DENND4A: variants seen among roughly 807,000 people sequenced by gnomAD.
DENND4A encodes the protein DENN domain containing 4A.
Under a neutral mutation model 199.3 loss-of-function variants are expected in DENND4A, and 70 were observed. The ratio of observed to expected loss-of-function variants is 0.35; its 90% confidence interval spans 0.29 to 0.43. DENND4A has a LOEUF of 0.43. Among genes scored for constraint, DENND4A ranks in the 20% least tolerant of loss-of-function variants. The probability of loss-of-function intolerance (pLI) is 1.00; values close to 1 mark genes in which losing one functional copy is unlikely to be tolerated. For missense variants in DENND4A, 1,723 were observed against 2,255.8 expected (o/e 0.76, Z 4.78); for synonymous variants, 686 against 766.9 (o/e 0.89, Z 1.74).
At chr15:65,736,518 A>G (rs1450691672) in intron 7 of DENND4A, among the ~76,000 whole-genome samples, 2 of 151,418 alleles carry the variant, frequency 1.3e-5, no homozygotes, top group Non-Finnish European at 2.9e-5. Context: ...CACCTGCCTC[A>G]GCCTCCCAAA....
At position 65,755,620 on chromosome 15, in the gene DENND4A, G is replaced by A. The variant is rs145950611; in HGVS notation, c.311+520C>T. ...GTCTCTACAAAAAAATTAAAAACTA[G>A]CCAGATGTGACAGCGTGTATCTATA... is the stretch of plus-strand genomic sequence containing the variant. On this transcript the variant is annotated intron_variant, in intron 3 of 32. Transcript: ENST00000443035. Among the ~76,000 whole-genome samples, 1,364 of 152,064 alleles carry A rather than the reference G, an allele frequency of 9.0e-3. 9 individuals carry two copies. The highest frequency in any genetic ancestry group is 0.017 in the Admixed American group (254 of 15,254).
At position 65,711,069 on chromosome 15, in the gene DENND4A, G is replaced by A. The variant is rs150187258; in HGVS notation, c.1953+4409C>T. On this transcript the variant is annotated intron_variant, in intron 14 of 32. Transcript: ENST00000443035. ...TCTCCAGATGCAGGTATTTCTTTAC[G>A]GCAACACAAGAAGGGCCTAACAGAA... Among the ~76,000 whole-genome samples, 293 of 152,090 alleles carry A rather than the reference G, an allele frequency of 1.9e-3. 1 individual carries two copies. The highest frequency in any genetic ancestry group is 6.9e-3 in the African/African-American group (287 of 41,496).
chr15:65,704,489 C>G lies in DENND4A; in HGVS notation c.2088-1481G>C, dbSNP rs562301142. Among the ~76,000 whole-genome samples, 119 of 152,328 alleles carry G rather than the reference C, an allele frequency of 7.8e-4. 2 individuals are homozygous for G. The highest frequency in any genetic ancestry group is 4.4e-4 in the Non-Finnish European group (30 of 68,022). ...CCAGGCTCAAGTGATCCTTCCACCT[C>G]AGCCTCCTGAGTAGCTGGGACCACA... On this transcript the variant is annotated intron_variant, in intron 15 of 32. Coordinates refer to ENST00000443035, the MANE Select transcript of DENND4A (RefSeq NM_001320835.1).
At chr15:65,770,974 G>A (rs2572218) in intron 1 of DENND4A, among the ~76,000 whole-genome samples, 30,133 of 152,044 alleles carry the variant, frequency 0.2, 4,020 homozygotes, top group East Asian at 0.73. Flanking sequence ...TTGTAGAAGC[G>A]TAACTAAAAT....
chr15:65,737,414 G>T (rs934688457), intron 7 of DENND4A, among the ~76,000 whole-genome samples: 17 of 152,016 alleles, frequency 1.1e-4, no homozygotes, highest in Non-Finnish European at 2.1e-4. Flanking sequence ...TGTAAAATAA[G>T]AATTTAAAAA....
intron 23 of DENND4A, among the ~76,000 whole-genome samples, chr15:65,687,083 C>T (rs1475585684): frequency 6.6e-6 from 1 of 152,010 alleles, no homozygotes; most frequent in African/African-American, 2.4e-5. Flanking sequence ...TTTCTCTGTT[C>T]CCCCTTTCTT....
At chr15:65,694,314 T>G (rs1596456375) in intron 22 of DENND4A, among the ~76,000 whole-genome samples, 2 of 152,250 alleles carry the variant, frequency 1.3e-5, no homozygotes, top group East Asian at 3.9e-4. Context: ...CCAGGCGTGG[T>G]GGCGTGTGCC....
intron 4 of DENND4A, among the ~76,000 whole-genome samples, chr15:65,748,006 C>G (rs1048635606): frequency 1.5e-5 from 2 of 131,702 alleles, no homozygotes; most frequent in Non-Finnish European, 3.1e-5. Context: ...CACCACTGCA[C>G]TCCAGCCTGG....
rs1319004845 is a variant in DENND4A at position 65,690,952 on chromosome 15, G to C, written c.3642C>G (p.Leu1214=). The C allele has an allele frequency of 1.2e-6, 2 of 1,602,742 alleles. No individual in the cohort carries two copies. Among genetic ancestry groups the C allele is most frequent in the Non-Finnish European group, 8.5e-7 (1 of 1,174,090 alleles). Residue 1214 remains leucine, a synonymous_variant, in exon 23 of 33, where the codon CTC becomes CTG. Transcript: ENST00000443035. Reference sequence around the variant, plus strand: ...GTTCAGTCTCAGCAACCAAAAGAGAGAGGGGATCAAATCCTGTTGCGACAT... The same window carrying C: ...GTTCAGTCTCAGCAACCAAAAGAGACAGGGGATCAAATCCTGTTGCGACAT... ...KTDVATGFDP[L]SLLVAETEQQ... is the part of the protein sequence containing the mutation.
At chr15:65,755,118 A>G (rs1379310244) in intron 3 of DENND4A, among the ~76,000 whole-genome samples, 1 of 152,258 alleles carries the variant, frequency 6.6e-6, no homozygotes, top group Non-Finnish European at 1.5e-5. Context: ...GAACCTTGAA[A>G]ACATTATGCT....
chr15:65,735,149 G>A (rs2076077504), intron 7 of DENND4A, among the ~76,000 whole-genome samples: 1 of 151,942 alleles, frequency 6.6e-6, no homozygotes. Flanking sequence ...AGGCCAAGGT[G>A]GGCGGATCAC....
At position 65,691,560 on chromosome 15, in the gene DENND4A, A is replaced by G. The variant is rs745787847; in HGVS notation, c.3083-49T>C. The G allele has an allele frequency of 1.7e-5, 25 of 1,462,788 alleles. No individual in the cohort carries two copies. In the African/African-American group the frequency reaches 2.4e-4, roughly 14 times the overall value. The allele number at this position is 1,462,788 out of a possible 1,614,324, so 90.6% of individuals were successfully genotyped here. A position where few individuals can be genotyped will look rare whatever the true frequency, so the allele number is the denominator to read the frequency against. The stretch of plus-strand genomic sequence containing the variant: ...TAGCCATGAAAATATAATAGCAAAT[A>G]TAAGTCATCTTAAATATTTAAAATT... On this transcript the variant is annotated intron_variant, in intron 22 of 32. Coordinates refer to ENST00000443035, the MANE Select transcript of DENND4A (RefSeq NM_001320835.1).
At chr15:65,717,757 T>TA (rs1567040365) in intron 13 of DENND4A, 21 bp downstream of exon 13, 1 of 1,556,950 alleles carries the variant, frequency 6.4e-7, no homozygotes, top group East Asian at 2.3e-5. Context: ...CTGAAAGCTT[T>TA]AAAACTATGC....
intron 23 of DENND4A, among the ~76,000 whole-genome samples, chr15:65,682,437 C>T (rs1014332134): frequency 5.9e-5 from 9 of 152,324 alleles, no homozygotes; most frequent in South Asian, 2.1e-4. Flanking sequence ...TCTGCAGCTT[C>T]CTCAGCTTTC....
intron 14 of DENND4A, among the ~76,000 whole-genome samples, chr15:65,711,368 C>T (rs958309271): frequency 1.3e-5 from 2 of 152,132 alleles, no homozygotes; most frequent in Non-Finnish European, 2.9e-5. Context: ...ATGGCATATG[C>T]CTGTGGTCCC....
chr15:65,776,780 A>C (rs2077295336), intron 1 of DENND4A, among the ~76,000 whole-genome samples: 1 of 152,248 alleles, frequency 6.6e-6, no homozygotes, highest in African/African-American at 2.4e-5. Flanking sequence ...AGACATGTCC[A>C]TCCACGTGCA....
At chr15:65,699,805 T>C (rs2077286488) in intron 20 of DENND4A, among the ~76,000 whole-genome samples, 1 of 150,958 alleles carries the variant, frequency 6.6e-6, no homozygotes, top group East Asian at 1.9e-4. Flanking sequence ...TCAGCCTCCC[T>C]AGTATCTGGG....
rs1046623413 is a variant in DENND4A at position 65,740,447 on chromosome 15, T to TAA, written c.631+1266_631+1267dup. On this transcript the variant is annotated intron_variant, in intron 5 of 32. Coordinates refer to ENST00000443035, the MANE Select transcript of DENND4A (RefSeq NM_001320835.1). ...CAATACAGCAAGACTCCATCTCTACTAAAAAAAAAAAAAAAAAAATTAGCC... is the reference window on the plus strand; with the variant it reads ...CAATACAGCAAGACTCCATCTCTACTAAAAAAAAAAAAAAAAAAAAATTAGCC... Among the ~76,000 whole-genome samples the TAA allele has an allele frequency of 1.0e-3, 118 of 114,466 alleles. 1 individual carries two copies. Among genetic ancestry groups the TAA allele is most frequent in the Non-Finnish European group, 1.7e-3 (91 of 54,494 alleles). The allele number at this position is 114,466 out of a possible 152,430, so 75.1% of individuals were successfully genotyped here.
chr15:65,768,404 A>G (rs2077039243), intron 1 of DENND4A, among the ~76,000 whole-genome samples: 1 of 152,208 alleles, frequency 6.6e-6, no homozygotes, highest in Non-Finnish European at 1.5e-5. Flanking sequence ...ATCACAAAAT[A>G]AACACATCAT....
Sources: allele counts gnomAD v4.1 joint callset (sites outside exome capture counted in the v4.1 genomes callset), GRCh38; gene constraint gnomAD v4.1.1; transcripts MANE v1.5; gene names NCBI Gene and HGNC (gene_info 2026-07-23, HGNC 2026-07-21).